RDH10: variants seen among roughly 807,000 people sequenced by gnomAD.
RDH10 encodes the protein retinol dehydrogenase 10 (all-trans).
RDH10 carries 12 observed loss-of-function variants against 30.2 expected under a neutral mutation model. That is an observed-to-expected ratio of 0.40 (90% CI 0.25 to 0.64). RDH10 has a LOEUF of 0.64. Ranked by LOEUF, RDH10 falls within the 30% of genes least tolerant of loss-of-function variation. The probability of loss-of-function intolerance (pLI) is 0.43; values close to 1 mark genes in which losing one functional copy is unlikely to be tolerated. For missense variants in RDH10, 268 were observed against 445.2 expected, an observed-to-expected ratio of 0.60 and a Z score of 3.58; for synonymous variants, 189 against 172.2, an observed-to-expected ratio of 1.10 and a Z score of -0.76.
intron 2 of RDH10, 110 bp downstream of exon 2, chr8:73,297,539 A>G (rs180879244): frequency 2.2e-4 from 165 of 753,532 alleles, no homozygotes; most frequent in East Asian, 2.1e-3. Context: ...TTTCGCCACA[A>G]GGTCTCCTTA....
chr8:73,320,959 G>A lies in RDH10; in HGVS notation c.652G>A (p.Val218Met). The change falls in exon 4 of 6, where the codon GTG becomes ATG. Residue 218 changes from valine to methionine, a missense_variant. Transcript: ENST00000240285. ...TTACTGTGCCAGTAAATTTGGAGTT[G>A]TGGGTTTTCATGAATCCCTGAGCCA... is the stretch of plus-strand genomic sequence containing the variant. The part of the protein sequence containing the change: ...EDYCASKFGV[V>M]GFHESLSHEL... 1 of 1,614,120 alleles carries A rather than the reference G, an allele frequency of 6.2e-7. No individual in the cohort carries two copies. Among genetic ancestry groups the A allele is most frequent in the Non-Finnish European group, 8.5e-7 (1 of 1,180,012 alleles).
intron 2 of RDH10, chr8:73,313,236 T>G (rs1814601362): frequency 6.6e-6 from 1 of 152,218 alleles, no homozygotes; most frequent in Admixed American, 6.5e-5. Context: ...GGAAGTTAAT[T>G]TGGCGTAAAC....
chr8:73,308,498 G>A (rs1268913593), intron 2 of RDH10, among the ~76,000 whole-genome samples: 1 of 152,196 alleles, frequency 6.6e-6, no homozygotes, highest in Non-Finnish European at 1.5e-5. Flanking sequence ...AAGTTGGAAA[G>A]CCAGTGAGGT....
At position 73,322,943 on chromosome 8, in the gene RDH10, G is replaced by A. The variant is rs764131251; in HGVS notation, c.933G>A (p.Met311Ile). 4 of 1,614,136 alleles carry A rather than the reference G, an allele frequency of 2.5e-6. No individual in the cohort carries two copies. Among genetic ancestry groups the A allele is most frequent in the Non-Finnish European group, 3.4e-6 (4 of 1,180,004 alleles). The part of the protein sequence containing the change: ...SILPFEAVVC[M>I]YRFLGADKCM... ...TACCATTTGAAGCAGTTGTGTGCAT[G>A]TATCGGTTCCTAGGAGCGGACAAGT... The change falls in exon 6 of 6, where the codon ATG (methionine) becomes ATA (isoleucine). Residue 311 changes from methionine to isoleucine, a missense_variant. Physicochemically the swap from Met to Ile is conservative, Grantham distance 10 (BLOSUM62 1). Transcript: ENST00000240285.
At chr8:73,298,736 C>G (rs1814323612) in intron 2 of RDH10, among the ~76,000 whole-genome samples, 1 of 152,166 alleles carries the variant, frequency 6.6e-6, no homozygotes, top group Non-Finnish European at 1.5e-5. Context: ...TGGTGTTGCC[C>G]AGGCTGGTTG....
At chr8:73,298,662 G>A (rs928826440) in intron 2 of RDH10, among the ~76,000 whole-genome samples, 1 of 152,024 alleles carries the variant, frequency 6.6e-6, no homozygotes, top group Non-Finnish European at 1.5e-5. Context: ...TGAGTAGCTG[G>A]GACTACAGGC....
At chr8:73,298,807 C>T (rs1047447362) in intron 2 of RDH10, among the ~76,000 whole-genome samples, 21 of 151,992 alleles carry the variant, frequency 1.4e-4, no homozygotes, top group African/African-American at 4.1e-4. Context: ...CGTGAGCCAC[C>T]GCACCTGGCC....
Position 73,295,465 on chromosome 8 carries a change from G to A in RDH10, c.176G>A (p.Arg59His), listed in dbSNP as rs1447105996. 2.6e-6 allele frequency: 4 copies of A among 1,551,648 alleles called. No homozygotes were observed. The highest frequency in any genetic ancestry group is 3.5e-6 in the Non-Finnish European group (4 of 1,148,936). ...GRLFALEFARRRALLVLWDIN... is the reference protein window; with the variant it reads ...GRLFALEFARHRALLVLWDIN... The stretch of plus-strand genomic sequence containing the variant: ...CTCTTCGCGCTGGAGTTCGCCCGGC[G>A]TCGGGCGCTGCTGGTGCTGTGGGAC... The change falls in exon 1 of 6, where the codon CGT becomes CAT. Residue 59 changes from arginine (R) to histidine (H), a missense_variant. Arg to His is a conservative substitution (Grantham distance 29). This residue lies in a region of RDH10 where 42 missense variants were observed against 77.6 expected (regional missense o/e 0.54). Transcript: ENST00000240285.
rs1814281470 is a variant in RDH10, at chr8:73,297,115, T to C, written c.290-79T>C. The C allele has an allele frequency of 4.4e-5, 36 of 813,488 alleles. No homozygotes were observed. The South Asian group carries it at 4.6e-4, about 10-fold the overall frequency. The allele number at this position is 813,488 out of a possible 1,614,324, so 50.4% of individuals were successfully genotyped here. On this transcript the variant is annotated intron_variant, in intron 1 of 5. Transcript: ENST00000240285. Reference sequence around the variant, plus strand: ...TTTTTGTTTTGTGTGATCTTTGTCCTACTGATCGCCATGTGACTCACTTTC... The same window carrying C: ...TTTTTGTTTTGTGTGATCTTTGTCCCACTGATCGCCATGTGACTCACTTTC...
Position 73,309,569 on chromosome 8 carries a change from CTA to C in RDH10, c.526-9526_526-9525del, listed in dbSNP as rs376133336. Among the ~76,000 whole-genome samples the C allele has an allele frequency of 7.1e-3, 1,039 of 146,722 alleles. 12 individuals are homozygous for C. The highest frequency in any genetic ancestry group is 0.025 in the African/African-American group (984 of 39,866). ...GGAGTGGTGGTTTGAAGTATAGAAA[CTA>C]AAAGTGATGAAGTTTTGAGTCCATA... On this transcript the variant is annotated intron_variant, in intron 2 of 5. Coordinates refer to ENST00000240285, the MANE Select transcript of RDH10 (RefSeq NM_172037.5).
At chr8:73,307,903 A>G (rs918226709) in intron 2 of RDH10, among the ~76,000 whole-genome samples, 1 of 152,244 alleles carries the variant, frequency 6.6e-6, no homozygotes, top group Non-Finnish European at 1.5e-5. Flanking sequence ...AGATTAGACA[A>G]GCATGTAAAA....
At chr8:73,307,710 A>G (rs574225563) in intron 2 of RDH10, among the ~76,000 whole-genome samples, 2 of 152,356 alleles carry the variant, frequency 1.3e-5, no homozygotes, top group South Asian at 4.1e-4. Flanking sequence ...ACAAATACTT[A>G]GCTGTGGGCT....
chr8:73,309,894 A>G (rs1383511538), intron 2 of RDH10, among the ~76,000 whole-genome samples: 1 of 152,138 alleles, frequency 6.6e-6, no homozygotes, highest in Non-Finnish European at 1.5e-5. Context: ...CCTTCCATGC[A>G]TAGGGCAATC....
At chr8:73,296,574 A>G (rs1382767777) in intron 1 of RDH10, among the ~76,000 whole-genome samples, 3 of 152,184 alleles carry the variant, frequency 2.0e-5, no homozygotes, top group African/African-American at 7.2e-5. Flanking sequence ...TTAAATTGTC[A>G]AGTTCTTATG....
chr8:73,315,159 T>C (rs9773107), intron 2 of RDH10, among the ~76,000 whole-genome samples: 10,357 of 45,526 alleles, frequency 0.23, 738 homozygotes, highest in East Asian at 0.35. Flanking sequence ...TCTCTCTCTC[T>C]CCCCCCACCG....
rs989696373 is a variant in RDH10 at position 73,295,161 on chromosome 8, G to C, written c.-129G>C. 4 of 895,806 alleles carry C rather than the reference G, an allele frequency of 4.5e-6. No individual in the cohort carries two copies. The African/African-American group carries it at 7.2e-5, about 16-fold the overall frequency. The allele number at this position is 895,806 out of a possible 1,614,324, so 55.5% of individuals were successfully genotyped here. The stretch of plus-strand genomic sequence containing the variant: ...CTCCAACCCGGCGGGCACCTCGGGG[G>C]CGGGCGCGGGGCGCAGCCTTCTCGT... On this transcript the variant is annotated 5_prime_UTR_variant, in exon 1 of 6. Coordinates refer to ENST00000240285, the MANE Select transcript of RDH10 (RefSeq NM_172037.5).
At chr8:73,296,272 A>G (rs1275565671) in intron 1 of RDH10, among the ~76,000 whole-genome samples, 1 of 152,100 alleles carries the variant, frequency 6.6e-6, no homozygotes, top group African/African-American at 2.4e-5. Flanking sequence ...AGCAAAGTCC[A>G]TAACCAACCA....
intron 2 of RDH10, among the ~76,000 whole-genome samples, chr8:73,308,135 A>G (rs1362012811): frequency 6.6e-6 from 1 of 152,232 alleles, no homozygotes; most frequent in Non-Finnish European, 1.5e-5. Flanking sequence ...ACGAATGGAT[A>G]GGGCTCTTCT....
intron 1 of RDH10, among the ~76,000 whole-genome samples, chr8:73,296,571 G>A (rs542397779): frequency 6.6e-6 from 1 of 152,284 alleles, no homozygotes; most frequent in South Asian, 2.1e-4. Context: ...TTTTTAAATT[G>A]TCAAGTTCTT....
Sources: gnomAD v4.1 joint callset for allele counts (sites outside exome capture counted in the v4.1 genomes callset) on GRCh38, gnomAD v4.1.1 for gene constraint, gnomAD v4.1.1 regional missense constraint, MANE v1.5 for transcripts, NCBI Gene and HGNC (gene_info 2026-07-23, HGNC 2026-07-21) for gene names.